MYO9A: variants seen among roughly 807,000 people sequenced by gnomAD.
MYO9A encodes the protein myosin IXA, also known as unconventional myosin-IXa.
A neutral mutation model predicts 293.3 loss-of-function variants in MYO9A; 103 were observed. The ratio of observed to expected loss-of-function variants is 0.35; its 90% CI spans 0.30 to 0.41. The LOEUF is 0.41. Ranked by LOEUF, MYO9A falls within the 10% of genes least tolerant of loss-of-function variation. MYO9A has a pLI of 1.00. For missense variants in MYO9A, 2,685 were observed against 3,033.0 expected (o/e 0.89, Z 2.69); for synonymous variants, 1,001 against 1,035.7 (o/e 0.97, Z 0.64).
In MYO9A at chr15:72,048,323, C is replaced by G. The variant is rs193210367; in HGVS notation, c.-71-1689G>C. On this transcript the variant is annotated intron_variant, in intron 1 of 41. Coordinates refer to ENST00000356056, the MANE Select transcript of MYO9A (RefSeq NM_006901.4). ...CTGAGGCAGGAGAATCACTTGAACC[C>G]GGGAGGCAGAGGTTACAGTGAGCTG... is the stretch of plus-strand genomic sequence containing the variant. Among the ~76,000 whole-genome samples, 40 of 151,378 alleles carry G rather than the reference C, an allele frequency of 2.6e-4. No homozygotes were observed. The East Asian group carries it at 6.5e-3, about 25-fold the overall frequency.
chr15:72,106,933 AAAAGAAATGC>A (rs902401852), intron 1 of MYO9A, among the ~76,000 whole-genome samples: 1 of 152,374 alleles, frequency 6.6e-6, no homozygotes, highest in Admixed American at 6.5e-5. Context: ...TCTAAGGACA[AAAAGAAATGC>A]AAAGAAATTT....
At chr15:72,102,560 C>G (rs1467708691) in intron 1 of MYO9A, among the ~76,000 whole-genome samples, 2 of 150,730 alleles carry the variant, frequency 1.3e-5, no homozygotes, top group Non-Finnish European at 3.0e-5. Context: ...GGTGAGCACT[C>G]TGGACTCTGA....
intron 2 of MYO9A, 33 bp from the exon 3 acceptor site, chr15:72,032,621 TA>T (rs746438325): frequency 0.056 from 63,306 of 1,129,384 alleles, no homozygotes; most frequent in South Asian, 0.068. Context: ...TTAGTTTCAC[TA>T]AAAAAAAAAA....
chr15:72,042,062 G>A (rs1296098791), intron 2 of MYO9A, among the ~76,000 whole-genome samples: 12 of 148,380 alleles, frequency 8.1e-5, no homozygotes, highest in African/African-American at 2.7e-4. Context: ...AAAATACGAG[G>A]AGAAAAGACT....
At chr15:71,862,736 G>T in intron 32 of MYO9A, 125 bp from the exon 33 acceptor site, 1 of 582,148 alleles carries the variant, frequency 1.7e-6, no homozygotes, top group Non-Finnish European at 3.0e-6. Context: ...GGACAATTAG[G>T]ATCTTTTGAG....
intron 26 of MYO9A, chr15:71,892,985 A>AG: frequency 7.8e-7 from 1 of 1,276,236 alleles, no homozygotes; most frequent in Non-Finnish European, 1.0e-6. Flanking sequence ...TCACTGTGAG[A>AG]GGCCTGACCC....
intron 18 of MYO9A, among the ~76,000 whole-genome samples, chr15:71,920,849 G>A (rs762004488): frequency 6.6e-6 from 1 of 151,994 alleles, no homozygotes; most frequent in Non-Finnish European, 1.5e-5. Flanking sequence ...TGGGTGGCTG[G>A]GGCACAAGAA....
At chr15:71,985,099 T>C (rs1290973273) in intron 11 of MYO9A, among the ~76,000 whole-genome samples, 1 of 152,134 alleles carries the variant, frequency 6.6e-6, no homozygotes, top group East Asian at 1.9e-4. Context: ...TTTGTATTTT[T>C]AGTAAAGATG....
At chr15:71,851,450 T>C in intron 36 of MYO9A, 92 bp from the exon 37 acceptor site, 2 of 984,118 alleles carry the variant, frequency 2.0e-6, no homozygotes, top group Admixed American at 2.4e-5. Flanking sequence ...GAAGGCTGGC[T>C]ACAGAGTTTT....
At chr15:72,023,086 C>T (rs1175018436) in intron 4 of MYO9A, among the ~76,000 whole-genome samples, 1 of 151,988 alleles carries the variant, frequency 6.6e-6, no homozygotes, top group Non-Finnish European at 1.5e-5. Flanking sequence ...CAAATAGAGA[C>T]TAATATACAG....
At chr15:72,115,611 T>C (rs1596621140) in intron 1 of MYO9A, among the ~76,000 whole-genome samples, 2 of 152,378 alleles carry the variant, frequency 1.3e-5, no homozygotes, top group Non-Finnish European at 2.9e-5. Context: ...TTTAGTCTTA[T>C]TCTACTCTTC....
At chr15:71,929,623 G>T (rs532198353) in intron 18 of MYO9A, among the ~76,000 whole-genome samples, 1 of 152,034 alleles carries the variant, frequency 6.6e-6, no homozygotes, top group African/African-American at 2.4e-5. Flanking sequence ...TTCTTGTATC[G>T]CAAGAATAAA....
rs143453269 is a variant in MYO9A at position 71,935,321 on chromosome 15, C to T, written c.2522+20G>A. On this transcript the variant is annotated intron_variant, in intron 17 of 41. Transcript: ENST00000356056. ...AAAACAAAAAACAAAAAACAATTTACATTACTGATTAGTACTGACGTGAGA... is the reference window on the plus strand; with the variant it reads ...AAAACAAAAAACAAAAAACAATTTATATTACTGATTAGTACTGACGTGAGA... 6 of 1,539,438 alleles carry T rather than the reference C, an allele frequency of 3.9e-6. No individual in the cohort carries two copies. The highest frequency in any genetic ancestry group is 2.8e-5 in the African/African-American group (2 of 72,514).
chr15:71,823,661 C>T lies in MYO9A; in HGVS notation c.*2919G>A, dbSNP rs990566833. 2 of 152,212 alleles carry T rather than the reference C, an allele frequency of 1.3e-5. No individual in the cohort carries two copies. Among genetic ancestry groups the T allele is most frequent in the Non-Finnish European group, 2.9e-5 (2 of 68,038 alleles). 9.4% of individuals were successfully genotyped at this position (152,212 alleles called of 1,614,324 possible). On this transcript the variant is annotated 3_prime_UTR_variant, in exon 42 of 42. Coordinates refer to ENST00000356056, the MANE Select transcript of MYO9A (RefSeq NM_006901.4). ...AAATCACACTTCTCTGCTTTTGTTA[C>T]ATTTTCCATAATAAGTACATACTAA...
At chr15:71,934,224 T>C (rs1267244516) in intron 17 of MYO9A, among the ~76,000 whole-genome samples, 1 of 152,124 alleles carries the variant, frequency 6.6e-6, no homozygotes, top group Admixed American at 6.6e-5. Context: ...GCCTTTTTTA[T>C]GGCCACAGAA....
chr15:71,981,704 T>C (rs1033721475), intron 11 of MYO9A, among the ~76,000 whole-genome samples: 1 of 151,814 alleles, frequency 6.6e-6, no homozygotes, highest in South Asian at 2.1e-4. Flanking sequence ...ATCAATATTA[T>C]TAGCCCTTTC....
At chr15:72,038,866 T>C (rs2078141227) in intron 2 of MYO9A, among the ~76,000 whole-genome samples, 1 of 152,238 alleles carries the variant, frequency 6.6e-6, no homozygotes, top group African/African-American at 2.4e-5. Flanking sequence ...AAAAGGGCTT[T>C]CATTTCTTAC....
At position 72,107,809 on chromosome 15, in the gene MYO9A, A is replaced by AAC. The variant is rs796379586; in HGVS notation, c.-72+9870_-72+9871insGT. ...GACAATTTGAGCATCAAAAAAAAAA[A>AAC]AACGTCTGCAAATGACTATAATACA... is the stretch of plus-strand genomic sequence containing the variant. On this transcript the variant is annotated intron_variant, in intron 1 of 41. Transcript: ENST00000356056. 4.2e-3 allele frequency among the ~76,000 whole-genome samples: 7 copies of AAC among 1,662 alleles called. 1 individual carries two copies. Among genetic ancestry groups the AAC allele is most frequent in the East Asian group, 0.5 (1 of 2 alleles). 1.1% of individuals were successfully genotyped at this position (1,662 alleles called of 152,430 possible).
intron 3 of MYO9A, 90 bp from the exon 4 acceptor site, chr15:72,027,883 T>C (rs2077721499): frequency 1.0e-6 from 1 of 952,658 alleles, no homozygotes; most frequent in African/African-American, 1.7e-5. Context: ...GTATAAAGAA[T>C]ACTATCCAGA....
Sources: gnomAD v4.1 joint callset for allele counts (sites outside exome capture counted in the v4.1 genomes callset) on GRCh38, gnomAD v4.1.1 for gene constraint, MANE v1.5 for transcripts, NCBI Gene and HGNC (gene_info 2026-07-23, HGNC 2026-07-21) for gene names.